The following MARCHF1 variants were observed in gnomAD, a reference collection of about 807,000 sequenced individuals.
The protein encoded by MARCHF1 is membrane associated ring-CH-type finger 1, also known as E3 ubiquitin-protein ligase MARCHF1.
In MARCHF1, 40 loss-of-function variants were observed where a neutral mutation model predicts 54.2. That is an observed-to-expected ratio of 0.74 (90% confidence interval 0.57 to 0.96). The LOEUF (loss-of-function observed/expected upper bound fraction) is 0.96, where lower values mean the gene tolerates loss of function less well. Ranked by LOEUF, MARCHF1 falls within the 40% of genes least tolerant of loss-of-function variation. The pLI, the probability that MARCHF1 is intolerant of heterozygous loss-of-function variation, is 0.00. For missense variants in MARCHF1, 586 were observed against 656.5 expected (o/e 0.89, Z 1.17); for synonymous variants, 236 against 236.3 (o/e 1.00, Z 0.01).
At chr4:163,870,751 A>C (rs985688952) in intron 3 of MARCHF1, among the ~76,000 whole-genome samples, 1 of 152,130 alleles carries the variant, frequency 6.6e-6, no homozygotes, top group Non-Finnish European at 1.5e-5. Context: ...GACAAATACC[A>C]CATGTTCTCA....
chr4:163,912,075 T>C (rs2111337196), intron 3 of MARCHF1, among the ~76,000 whole-genome samples: 1 of 151,974 alleles, frequency 6.6e-6, no homozygotes, highest in South Asian at 2.1e-4. Flanking sequence ...GTTTTTTTTT[T>C]TTTTTCCATG....
At chr4:164,131,734 C>T (rs1756305020) in intron 1 of MARCHF1, among the ~76,000 whole-genome samples, 1 of 151,990 alleles carries the variant, frequency 6.6e-6, no homozygotes, top group South Asian at 2.1e-4. Flanking sequence ...CTCTAAGTAA[C>T]TTATGGATAT....
chr4:163,866,465 G>GTT (rs1464985542), intron 3 of MARCHF1, among the ~76,000 whole-genome samples: 1 of 28,800 alleles, frequency 3.5e-5, no homozygotes, highest in Non-Finnish European at 9.4e-5. Flanking sequence ...TAAAGCTGTA[G>GTT]TTATATATAT....
chr4:163,772,128 C>A (rs921942686), intron 4 of MARCHF1, among the ~76,000 whole-genome samples: 1 of 152,118 alleles, frequency 6.6e-6, no homozygotes, highest in Non-Finnish European at 1.5e-5. Flanking sequence ...CTGGCTTTTA[C>A]AATTGTACAG....
At chr4:163,767,007 G>C (rs533761153) in intron 4 of MARCHF1, among the ~76,000 whole-genome samples, 1 of 149,060 alleles carries the variant, frequency 6.7e-6, no homozygotes, top group East Asian at 2.0e-4. Flanking sequence ...CCAAGCATTA[G>C]GACATATTTT....
At chr4:164,157,821 A>C (rs1272081921) in intron 1 of MARCHF1, among the ~76,000 whole-genome samples, 2 of 152,156 alleles carry the variant, frequency 1.3e-5, no homozygotes, top group Non-Finnish European at 2.9e-5. Flanking sequence ...CCAAATAGGG[A>C]CACATTCTGA....
chr4:164,041,761 T>C (rs1248779605), intron 2 of MARCHF1, among the ~76,000 whole-genome samples: 1 of 152,122 alleles, frequency 6.6e-6, no homozygotes, highest in Non-Finnish European at 1.5e-5. Flanking sequence ...CAGAAATCTG[T>C]TTGCAGAAAC....
At chr4:164,058,661 A>C (rs573905805) in intron 2 of MARCHF1, among the ~76,000 whole-genome samples, 1 of 152,344 alleles carries the variant, frequency 6.6e-6, no homozygotes, top group African/African-American at 2.4e-5. Context: ...TCCCTAGGAC[A>C]GGCGGGTTCT....
intron 1 of MARCHF1, among the ~76,000 whole-genome samples, chr4:164,130,448 T>C (rs1016883054): frequency 6.6e-6 from 1 of 152,194 alleles, no homozygotes; most frequent in Non-Finnish European, 1.5e-5. Context: ...CTCAAGATTC[T>C]AACAATTTCA....
At chr4:163,794,229 G>A (rs1190891148) in intron 4 of MARCHF1, among the ~76,000 whole-genome samples, 1 of 152,012 alleles carries the variant, frequency 6.6e-6, no homozygotes, top group African/African-American at 2.4e-5. Context: ...CTCCTGTTTT[G>A]TGGATTACTG....
chr4:163,553,063 G>A (rs966661741), intron 8 of MARCHF1, among the ~76,000 whole-genome samples: 18 of 148,456 alleles, frequency 1.2e-4, no homozygotes, highest in African/African-American at 4.0e-4. Context: ...AAGAATGAGC[G>A]CTCTGGGTTC....
At chr4:164,034,461 C>T (rs1753952036) in intron 2 of MARCHF1, among the ~76,000 whole-genome samples, 1 of 151,996 alleles carries the variant, frequency 6.6e-6, no homozygotes, top group Non-Finnish European at 1.5e-5. Flanking sequence ...CCCAGTAATC[C>T]CACTACTAGG....
chr4:163,804,763 C>T (rs2110986851), intron 4 of MARCHF1, among the ~76,000 whole-genome samples: 1 of 152,240 alleles, frequency 6.6e-6, no homozygotes. Context: ...TGCATTAAAA[C>T]CATAAAACTG....
chr4:164,176,980 C>CTCTCTA (rs1466683245), intron 1 of MARCHF1, among the ~76,000 whole-genome samples: 14 of 58,918 alleles, frequency 2.4e-4, no homozygotes, highest in East Asian at 1.0e-3. Flanking sequence ...CTCTCTCTCT[C>CTCTCTA]TATATATATA....
At chr4:164,082,470 G>C (rs963048022) in intron 2 of MARCHF1, among the ~76,000 whole-genome samples, 5 of 152,150 alleles carry the variant, frequency 3.3e-5, no homozygotes, top group African/African-American at 1.2e-4. Flanking sequence ...CTTTGAGCTA[G>C]TTTACAATTT....
intron 1 of MARCHF1, among the ~76,000 whole-genome samples, chr4:164,193,474 T>C (rs1731176593): frequency 6.6e-6 from 1 of 152,050 alleles, no homozygotes; most frequent in African/African-American, 2.4e-5. Flanking sequence ...GTTTTGTCTA[T>C]TGGCTTCATG....
intron 4 of MARCHF1, among the ~76,000 whole-genome samples, chr4:163,706,651 T>C (rs149836732): frequency 1.2e-4 from 18 of 152,146 alleles, no homozygotes; most frequent in African/African-American, 4.1e-4. Flanking sequence ...TTTTCTAATA[T>C]ATAAACCCTC....
chr4:163,945,734 AATACAAATGGG>A (rs1752010436), intron 3 of MARCHF1, among the ~76,000 whole-genome samples: 1 of 152,200 alleles, frequency 6.6e-6, no homozygotes, highest in South Asian at 2.1e-4. Flanking sequence ...AAACATTACA[AATACAAATGGG>A]ATACACTCAG....
At chr4:163,819,184 T>C (rs959793562) in intron 4 of MARCHF1, among the ~76,000 whole-genome samples, 3 of 152,128 alleles carry the variant, frequency 2.0e-5, no homozygotes, top group Admixed American at 6.6e-5. Flanking sequence ...CTCTATACCA[T>C]TTTAAAGACA....
Sources: gnomAD v4.1 joint callset for allele counts (sites outside exome capture counted in the v4.1 genomes callset) on GRCh38, gnomAD v4.1.1 for gene constraint, MANE v1.5 for transcripts, NCBI Gene and HGNC (gene_info 2026-07-23, HGNC 2026-07-21) for gene names.